The following MSH3 variants were observed in gnomAD, a reference collection of about 807,000 sequenced individuals.
MSH3 encodes DNA mismatch repair protein Msh3.
A neutral mutation model predicts 123.3 loss-of-function variants in MSH3; 106 were observed. The observed-to-expected ratio is 0.86, with a 90% CI of 0.73 to 1.01. MSH3 has a LOEUF of 1.01. Among genes scored for constraint, MSH3 ranks in the 50% least tolerant of loss-of-function variants. The pLI, the probability that MSH3 is intolerant of heterozygous loss-of-function variation, is 0.00. For synonymous variants in MSH3, 515 were observed against 481.4 expected, an observed-to-expected ratio of 1.07 and a Z score of -0.91; for missense variants, 1,459 against 1,347.6, an observed-to-expected ratio of 1.08 and a Z score of -1.29.
At chr5:80,672,554 T>G (rs150566950) in intron 5 of MSH3, among the ~76,000 whole-genome samples, 187 bp from the exon 6 acceptor site, 16 of 152,346 alleles carry the variant, frequency 1.1e-4, no homozygotes, top group Non-Finnish European at 2.1e-4. Context: ...TTAGGGTAAA[T>G]TTTTAAACTC....
intron 20 of MSH3, among the ~76,000 whole-genome samples, chr5:80,818,403 A>C (rs1230393460): frequency 2.0e-4 from 2 of 10,226 alleles, no homozygotes; most frequent in African/African-American, 1.1e-3. Context: ...TAGCAATGAC[A>C]AAAAAAAAAA....
At chr5:80,821,657 G>T (rs1745206948) in intron 20 of MSH3, among the ~76,000 whole-genome samples, 3 of 152,184 alleles carry the variant, frequency 2.0e-5, no homozygotes, top group Admixed American at 1.3e-4. Context: ...CAACCTTCAG[G>T]TCATGTTTAT....
chr5:80,801,699 C>G (rs1318074814), intron 19 of MSH3, among the ~76,000 whole-genome samples: 1 of 152,170 alleles, frequency 6.6e-6, no homozygotes, highest in Non-Finnish European at 1.5e-5. Context: ...AAATCTGGCA[C>G]AGAGCTCTGG....
chr5:80,817,531 G>T (rs1745127034), intron 20 of MSH3, among the ~76,000 whole-genome samples: 2 of 152,026 alleles, frequency 1.3e-5, no homozygotes, highest in Admixed American at 1.3e-4. Flanking sequence ...TATCCAGTGG[G>T]ATATGTTATT....
chr5:80,782,724 T>G (rs777747894), intron 17 of MSH3, among the ~76,000 whole-genome samples: 2 of 152,212 alleles, frequency 1.3e-5, no homozygotes, highest in Non-Finnish European at 2.9e-5. Context: ...AGCCCCCACT[T>G]GAGAGCAGCA....
At chr5:80,774,026 C>CCAAAGTGCTGGGATCT (rs1274890489) in intron 15 of MSH3, among the ~76,000 whole-genome samples, 1 of 152,102 alleles carries the variant, frequency 6.6e-6, no homozygotes, top group Non-Finnish European at 1.5e-5. Flanking sequence ...CCTCAGCCTC[C>CCAAAGTGCTGGGATCT]CAAAGTGCTG....
At chr5:80,752,374 G>A (rs1743853459) in intron 12 of MSH3, among the ~76,000 whole-genome samples, 1 of 151,946 alleles carries the variant, frequency 6.6e-6, no homozygotes, top group African/African-American at 2.4e-5. Context: ...CTCTAACTGT[G>A]CTTTATTTTT....
chr5:80,690,509 G>A (rs1441268676), intron 8 of MSH3, among the ~76,000 whole-genome samples: 3 of 152,156 alleles, frequency 2.0e-5, no homozygotes, highest in East Asian at 1.9e-4. Flanking sequence ...TTTTCGTAGG[G>A]GTTTCGCTGT....
Position 80,675,077 on chromosome 5 carries a change from T to C in MSH3, c.1122T>C (p.Asn374=). 6.2e-7 allele frequency: 1 copy of C among 1,613,724 alleles called. No individual in the cohort carries two copies. Among genetic ancestry groups the C allele is most frequent in the Non-Finnish European group, 8.5e-7 (1 of 1,179,862 alleles). The change falls in exon 7 of 24, where the codon AAT becomes AAC. Residue 374 remains asparagine (N), a synonymous_variant. Transcript: ENST00000265081. Reference sequence around the variant, plus strand: ...GCTATCTTCTGTGCATCTCTGAAAATAAGGAAAATGTTAGGGACAAAAAAA... The same window carrying C: ...GCTATCTTCTGTGCATCTCTGAAAACAAGGAAAATGTTAGGGACAAAAAAA... ...STSYLLCISE[N]KENVRDKKKG...
intron 8 of MSH3, among the ~76,000 whole-genome samples, chr5:80,693,446 TATAG>T (rs1186659685): frequency 7.1e-5 from 9 of 127,218 alleles, no homozygotes; most frequent in Middle Eastern, 5.6e-3. Flanking sequence ...TATATGTTTA[TATAG>T]ATAAATATAC....
Position 80,723,094 on chromosome 5 carries a change from AAAATAAATAAAT to A in MSH3, c.1341-2331_1341-2320del, listed in dbSNP as rs57338891. Among the ~76,000 whole-genome samples, 967 of 144,498 alleles carry A rather than the reference AAAATAAATAAAT, an allele frequency of 6.7e-3. 12 individuals carry two copies. The highest frequency in any genetic ancestry group is 0.022 in the African/African-American group (866 of 39,276). The allele number at this position is 144,498 out of a possible 152,430, so 94.8% of individuals were successfully genotyped here. A position where few individuals can be genotyped will look rare whatever the true frequency, so the allele number is the denominator to read the frequency against. On this transcript the variant is annotated intron_variant, in intron 8 of 23. Transcript: ENST00000265081. ...AGGCGACGGAGTGAAACTCTGTCTA[AAAATAAATAAAT>A]AAATAAATAAATAAATAAATAAATA... is the stretch of plus-strand genomic sequence containing the variant.
chr5:80,875,779 T>G lies in MSH3; in HGVS notation c.3331T>G (p.Trp1111Gly). 6.2e-7 allele frequency: 1 copy of G among 1,613,738 alleles called. No homozygotes were observed. The highest frequency in any genetic ancestry group is 8.5e-7 in the Non-Finnish European group (1 of 1,179,636). ...RKRLKYFAKLWTMHNAQDLQK... is the reference protein window; with the variant it reads ...RKRLKYFAKLGTMHNAQDLQK... ...GAGACTCAAGTATTTTGCAAAGTTATGGACGATGCATAATGCACAAGACCT... is the reference window on the plus strand; with the variant it reads ...GAGACTCAAGTATTTTGCAAAGTTAGGGACGATGCATAATGCACAAGACCT... The change falls in exon 24 of 24, where the codon TGG (tryptophan) becomes GGG (glycine). Residue 1111 changes from tryptophan (W) to glycine (G), a missense_variant. Coordinates refer to ENST00000265081, the MANE Select transcript of MSH3 (RefSeq NM_002439.5).
chr5:80,872,101 A>G (rs571626297), intron 22 of MSH3, among the ~76,000 whole-genome samples: 20 of 152,322 alleles, frequency 1.3e-4, no homozygotes, highest in South Asian at 4.1e-4. Context: ...TAACCTGAAT[A>G]TTTAATAAAC....
At chr5:80,788,804 A>G (rs80032485) in intron 18 of MSH3, among the ~76,000 whole-genome samples, 3 of 117,460 alleles carry the variant, frequency 2.6e-5, no homozygotes, top group South Asian at 2.6e-4. Context: ...GCCTGTCTCA[A>G]AAAAAAAAAA....
At chr5:80,805,509 T>G (rs1744871067) in intron 19 of MSH3, among the ~76,000 whole-genome samples, 1 of 152,050 alleles carries the variant, frequency 6.6e-6, no homozygotes, top group African/African-American at 2.4e-5. Context: ...TTTAAATGAT[T>G]AGGAATGTAT....
At chr5:80,683,424 CATT>C (rs1750015976) in intron 8 of MSH3, among the ~76,000 whole-genome samples, 1 of 152,084 alleles carries the variant, frequency 6.6e-6, no homozygotes, top group South Asian at 2.1e-4. Flanking sequence ...GATGGTATCT[CATT>C]GTAGTTTTGA....
At chr5:80,724,085 A>G (rs1455957638) in intron 8 of MSH3, among the ~76,000 whole-genome samples, 1 of 152,288 alleles carries the variant, frequency 6.6e-6, no homozygotes, top group African/African-American at 2.4e-5. Context: ...TCGTAGAGGG[A>G]TGTGATTAGT....
chr5:80,746,585 T>C, intron 12 of MSH3: 1 of 385,370 alleles, frequency 2.6e-6, no homozygotes, highest in South Asian at 2.0e-5. Flanking sequence ...ATCTCCTCTG[T>C]TCGTTTTCTT....
rs1580034045 is a variant in MSH3, at chr5:80,768,125, G to A, written c.2084+5G>A. The A allele has an allele frequency of 1.9e-6, 3 of 1,612,496 alleles. No homozygotes were observed. The highest frequency in any genetic ancestry group is 2.2e-5 in the South Asian group (2 of 91,068). ...ACTCAATGAACAAGCTGCCAAGTAA[G>A]TACCAGACCCTGAATTCTTCCTTTT... On this transcript the variant is annotated splice_donor_5th_base_variant and intron_variant, in intron 14 of 23. Coordinates refer to ENST00000265081, the MANE Select transcript of MSH3 (RefSeq NM_002439.5).
Sources: gnomAD v4.1 joint callset for allele counts (sites outside exome capture counted in the v4.1 genomes callset) on GRCh38, gnomAD v4.1.1 for gene constraint, MANE v1.5 for transcripts, NCBI Gene and HGNC (gene_info 2026-07-23, HGNC 2026-07-21) for gene names.